The following C8orf34 variants were observed in gnomAD, a reference collection of about 807,000 sequenced individuals.
C8orf34 encodes the protein chromosome 8 open reading frame 34.
A neutral mutation model predicts 68.3 loss-of-function variants in C8orf34; 65 were observed. That is an observed-to-expected ratio of 0.95 (90% CI 0.78 to 1.17). The LOEUF (loss-of-function observed/expected upper bound fraction) is 1.17, where lower values mean the gene tolerates loss of function less well. Among genes scored for constraint, C8orf34 ranks in the 50% most tolerant of loss-of-function variants. The pLI is 0.00. For missense variants in C8orf34, 664 were observed against 655.4 expected (o/e 1.01, Z -0.14); for synonymous variants, 244 against 241.2 (o/e 1.01, Z -0.11).
At chr8:68,388,173 C>T (rs1334415731) in intron 1 of C8orf34, among the ~76,000 whole-genome samples, 1 of 152,148 alleles carries the variant, frequency 6.6e-6, no homozygotes, top group Non-Finnish European at 1.5e-5. Flanking sequence ...ACCGTTTACC[C>T]ACTCTTTACT....
rs1333621768 is a variant in C8orf34 at position 68,467,977 on chromosome 8, C to T, written c.608-715C>T. ...CCGACATTTAATGGGCCCTTTAAAT[C>T]TGAAAAGCAATTAAGTTCTTATATT... On this transcript the variant is annotated intron_variant, in intron 3 of 13. Coordinates refer to ENST00000518698, the MANE Select transcript of C8orf34 (RefSeq NM_052958.4). Among the ~76,000 whole-genome samples, 4 of 151,908 alleles carry T rather than the reference C, an allele frequency of 2.6e-5. No individual in the cohort carries two copies. The East Asian group carries it at 7.7e-4, about 29-fold the overall frequency.
intron 7 of C8orf34, among the ~76,000 whole-genome samples, chr8:68,585,137 T>C (rs1352564041): frequency 6.6e-6 from 1 of 152,166 alleles, no homozygotes; most frequent in South Asian, 2.1e-4. Context: ...GTCTGAGAAG[T>C]GAACTTTGAT....
At chr8:68,536,358 CAAAAAA>C (rs10696903) in intron 7 of C8orf34, among the ~76,000 whole-genome samples, 34 of 49,232 alleles carry the variant, frequency 6.9e-4, no homozygotes, top group African/African-American at 2.3e-3. Flanking sequence ...GACCCTATCT[CAAAAAA>C]AAAAAAAAAA....
At chr8:68,494,857 A>G (rs1259440111) in intron 5 of C8orf34, among the ~76,000 whole-genome samples, 1 of 151,374 alleles carries the variant, frequency 6.6e-6, no homozygotes, top group Non-Finnish European at 1.5e-5. Flanking sequence ...CTCCATCTCA[A>G]AATATATATA....
chr8:68,753,092 T>C (rs1822753839), intron 10 of C8orf34, among the ~76,000 whole-genome samples: 1 of 152,146 alleles, frequency 6.6e-6, no homozygotes, highest in African/African-American at 2.4e-5. Context: ...ATTTTGTCCT[T>C]GAAGGAAAGC....
At chr8:68,339,070 T>C (rs1489805505) in intron 1 of C8orf34, among the ~76,000 whole-genome samples, 1 of 152,024 alleles carries the variant, frequency 6.6e-6, no homozygotes, top group Non-Finnish European at 1.5e-5. Flanking sequence ...GTTTTGGGGG[T>C]TTAAGAATTA....
intron 9 of C8orf34, among the ~76,000 whole-genome samples, chr8:68,713,206 C>T (rs1226474212): frequency 6.6e-6 from 1 of 152,002 alleles, no homozygotes; most frequent in East Asian, 1.9e-4. Context: ...CATTAAATGC[C>T]TATATCAAGA....
chr8:68,624,039 G>A (rs1172392144), intron 7 of C8orf34, among the ~76,000 whole-genome samples: 1 of 152,120 alleles, frequency 6.6e-6, no homozygotes, highest in Non-Finnish European at 1.5e-5. Flanking sequence ...TTGGGAGGCT[G>A]AGGCAGGTGG....
intron 7 of C8orf34, among the ~76,000 whole-genome samples, chr8:68,553,317 G>GGAGCTTGAAAT (rs1374895091): frequency 1.4e-4 from 21 of 149,496 alleles, no homozygotes; most frequent in Admixed American, 6.0e-4. Context: ...CCCGGGAGGC[G>GGAGCTTGAAAT]GAGCTTGCAA....
chr8:68,818,461 C>T lies in C8orf34; in HGVS notation c.*215C>T, dbSNP rs1407514339. The T allele has an allele frequency of 6.9e-5, 35 of 509,198 alleles. No homozygotes were observed. Among genetic ancestry groups the T allele is most frequent in the Admixed American group, 2.1e-4 (6 of 29,252 alleles). The allele number at this position is 509,198 out of a possible 1,614,324, so 31.5% of individuals were successfully genotyped here. A position where few individuals can be genotyped will look rare whatever the true frequency, so the allele number is the denominator to read the frequency against. ...AAGGATTGTGGGGTGGTCAGGAGGC[C>T]GGCTGCCTTTTGACATGGTTAGAGT... is the stretch of plus-strand genomic sequence containing the variant. On this transcript the variant is annotated 3_prime_UTR_variant, in exon 14 of 14. Coordinates refer to ENST00000518698, the MANE Select transcript of C8orf34 (RefSeq NM_052958.4).
intron 10 of C8orf34, among the ~76,000 whole-genome samples, chr8:68,736,531 G>C (rs1250346701): frequency 6.6e-6 from 1 of 151,914 alleles, no homozygotes; most frequent in East Asian, 1.9e-4. Context: ...AGTTCAGAGA[G>C]TTCCATGATG....
intron 10 of C8orf34, among the ~76,000 whole-genome samples, chr8:68,750,464 G>A (rs1287619396): frequency 6.6e-6 from 1 of 152,082 alleles, no homozygotes; most frequent in African/African-American, 2.4e-5. Flanking sequence ...AAGAAAAAAG[G>A]GAAGTGAGTA....
intron 8 of C8orf34, among the ~76,000 whole-genome samples, chr8:68,653,888 A>C (rs528772920): frequency 9.2e-5 from 14 of 152,240 alleles, no homozygotes; most frequent in African/African-American, 3.4e-4. Flanking sequence ...CTACTGAGAG[A>C]AGGGCCTGAT....
At position 68,748,937 on chromosome 8, in the gene C8orf34, C is replaced by T. The variant is rs1054480193; in HGVS notation, c.1405-27462C>T. ...ATGCTGCTATAACGACACATGCACA[C>T]GTATGTTTATTGCGGCATTATTCAC... On this transcript the variant is annotated intron_variant, in intron 10 of 13. Coordinates refer to ENST00000518698, the MANE Select transcript of C8orf34 (RefSeq NM_052958.4). Among the ~76,000 whole-genome samples, 51 of 150,598 alleles carry T rather than the reference C, an allele frequency of 3.4e-4. 1 individual carries two copies. The highest frequency in any genetic ancestry group is 5.2e-4 in the Non-Finnish European group (35 of 67,712).
intron 8 of C8orf34, among the ~76,000 whole-genome samples, chr8:68,690,120 T>A (rs984221430): frequency 6.6e-6 from 1 of 152,088 alleles, no homozygotes; most frequent in African/African-American, 2.4e-5. Context: ...AAACATGTGT[T>A]AGGCTATAAA....
Position 68,611,783 on chromosome 8 carries a change from G to A in C8orf34, c.1106-28593G>A, listed in dbSNP as rs1039285080. On this transcript the variant is annotated intron_variant, in intron 7 of 13. Transcript: ENST00000518698. ...CTAACAATTTTGATTAAGGGGTAAA[G>A]TGAAAATGCATGTTAGTTAAGTCTC... is the stretch of plus-strand genomic sequence containing the variant. Among the ~76,000 whole-genome samples the A allele has an allele frequency of 7.9e-5, 12 of 152,140 alleles. 1 individual carries two copies. The highest frequency in any genetic ancestry group is 6.2e-4 in the South Asian group (3 of 4,820).
In C8orf34 at chr8:68,560,360, A is replaced by C. The variant is rs545561534; in HGVS notation, c.1105+27211A>C. On this transcript the variant is annotated intron_variant, in intron 7 of 13. Transcript: ENST00000518698. ...TACACATCCTGAACATTTTACTCTA[A>C]GTATTTGCCTTCCATTGTCTTGTGC... 2.6e-5 allele frequency among the ~76,000 whole-genome samples: 4 copies of C among 152,296 alleles called. No individual in the cohort carries two copies. In the South Asian group the frequency reaches 8.3e-4, roughly 32 times the overall value.
intron 4 of C8orf34, among the ~76,000 whole-genome samples, chr8:68,480,326 G>A (rs1174075005): frequency 6.6e-6 from 1 of 152,172 alleles, no homozygotes; most frequent in East Asian, 1.9e-4. Context: ...CCATGGTTCT[G>A]AGGCCTCTCC....
chr8:68,663,369 T>C (rs1298627577), intron 8 of C8orf34, among the ~76,000 whole-genome samples: 6 of 152,240 alleles, frequency 3.9e-5, no homozygotes, highest in Non-Finnish European at 7.3e-5. Context: ...CTCTTGTTAA[T>C]TTGTTTTCTT....
Sources: allele counts gnomAD v4.1 joint callset (sites outside exome capture counted in the v4.1 genomes callset), GRCh38; gene constraint gnomAD v4.1.1; transcripts MANE v1.5; gene names NCBI Gene and HGNC (gene_info 2026-07-23, HGNC 2026-07-21).